Variants in CNTNAP2 observed in about 807,000 individuals in gnomAD.
CNTNAP2 encodes the protein contactin associated protein 2.
Under a neutral mutation model 155.2 loss-of-function variants are expected in CNTNAP2, and 98 were observed. That is an observed-to-expected ratio of 0.63 (90% CI 0.54 to 0.75). The LOEUF is 0.75. Among genes scored for constraint, CNTNAP2 ranks in the 30% least tolerant of loss-of-function variants. The pLI, the probability that CNTNAP2 is intolerant of heterozygous loss-of-function variation, is 0.00. For synonymous variants in CNTNAP2, 651 were observed against 631.2 expected (o/e 1.03, Z -0.47); for missense variants, 1,727 against 1,688.1 (o/e 1.02, Z -0.40).
chr7:146,207,028 AAC>A (rs1284055023), intron 1 of CNTNAP2, among the ~76,000 whole-genome samples: 1 of 151,952 alleles, frequency 6.6e-6, no homozygotes, highest in Non-Finnish European at 1.5e-5. Context: ...GCTCTCAAAA[AAC>A]AACATTGGCC....
chr7:146,965,834 C>A (rs962230896), intron 3 of CNTNAP2, among the ~76,000 whole-genome samples: 28 of 152,136 alleles, frequency 1.8e-4, no homozygotes, highest in African/African-American at 6.8e-4. Flanking sequence ...CTTTTGAGTA[C>A]AACAGGTGTC....
intron 1 of CNTNAP2, among the ~76,000 whole-genome samples, chr7:146,273,562 G>A (rs1436584487): frequency 6.6e-6 from 1 of 152,112 alleles, no homozygotes; most frequent in Non-Finnish European, 1.5e-5. Context: ...TAGATGACGG[G>A]CCAGATGTGC....
chr7:147,445,259 G>A (rs892118626), intron 10 of CNTNAP2, among the ~76,000 whole-genome samples: 4 of 152,164 alleles, frequency 2.6e-5, no homozygotes, highest in African/African-American at 4.8e-5. Flanking sequence ...ACAGATGGTG[G>A]TGCTTCCTTT....
intron 10 of CNTNAP2, among the ~76,000 whole-genome samples, chr7:147,473,424 C>T (rs912979133): frequency 6.6e-6 from 1 of 152,118 alleles, no homozygotes; most frequent in African/African-American, 2.4e-5. Context: ...CACAGAGACG[C>T]TCCTTTCAAA....
intron 13 of CNTNAP2, 85 bp from the exon 14 acceptor site, chr7:147,903,480 A>C: frequency 7.1e-7 from 1 of 1,408,618 alleles, no homozygotes; most frequent in South Asian, 1.2e-5. Context: ...CTATCAGAGT[A>C]TTCCTGGGGA....
chr7:148,371,122 G>C (rs560184890), intron 21 of CNTNAP2, among the ~76,000 whole-genome samples: 2 of 152,242 alleles, frequency 1.3e-5, no homozygotes, highest in Non-Finnish European at 2.9e-5. Context: ...TCATGACTCA[G>C]TCAGGTCTCA....
intron 20 of CNTNAP2, among the ~76,000 whole-genome samples, chr7:148,237,127 A>G (rs1796055181): frequency 6.6e-6 from 1 of 152,174 alleles, no homozygotes; most frequent in Non-Finnish European, 1.5e-5. Flanking sequence ...CCAATGCTAC[A>G]TGTGTTAGGT....
intron 10 of CNTNAP2, among the ~76,000 whole-genome samples, chr7:147,427,905 T>A (rs1797405916): frequency 6.6e-6 from 1 of 151,998 alleles, no homozygotes; most frequent in African/African-American, 2.4e-5. Flanking sequence ...CAAACCTAAA[T>A]ATGTAAATCT....
At chr7:146,255,998 C>G (rs1192453927) in intron 1 of CNTNAP2, among the ~76,000 whole-genome samples, 4 of 152,184 alleles carry the variant, frequency 2.6e-5, no homozygotes, top group Admixed American at 6.5e-5. Flanking sequence ...TTATTAATAG[C>G]ATCAGTCATG....
intron 15 of CNTNAP2, among the ~76,000 whole-genome samples, chr7:147,997,791 T>G (rs920431210): frequency 9.2e-5 from 14 of 152,036 alleles, no homozygotes; most frequent in African/African-American, 3.4e-4. Flanking sequence ...AAAGAGGTGT[T>G]ACCAGTAAGC....
At position 147,853,480 on chromosome 7, in the gene CNTNAP2, A is replaced by AAATG. The variant is rs1798985504; in HGVS notation, c.2099-50085_2099-50084insAATG. On this transcript the variant is annotated intron_variant, in intron 13 of 23. Coordinates refer to ENST00000361727, the MANE Select transcript of CNTNAP2 (RefSeq NM_014141.6). ...AAAATCCTATTTATTTATCTCCTAC[A>AAATG]CTAAGTAAATTTCAACACAACCCTT... is the stretch of plus-strand genomic sequence containing the variant. Among the ~76,000 whole-genome samples, 9 of 139,358 alleles carry AAATG rather than the reference A, an allele frequency of 6.5e-5. No individual in the cohort carries two copies. The Admixed American group carries it at 7.5e-4, about 12-fold the overall frequency. The allele number at this position is 139,358 out of a possible 152,430, so 91.4% of individuals were successfully genotyped here.
chr7:146,423,008 A>G (rs1259804947), intron 1 of CNTNAP2, among the ~76,000 whole-genome samples: 2 of 152,184 alleles, frequency 1.3e-5, no homozygotes, highest in Non-Finnish European at 2.9e-5. Context: ...CAGCACTACT[A>G]AAATTATTTT....
At position 147,486,048 on chromosome 7, in the gene CNTNAP2, G is replaced by A. The variant is rs770951811; in HGVS notation, c.1777+7G>A. 134 of 1,609,400 alleles carry A rather than the reference G, an allele frequency of 8.3e-5. No individual in the cohort carries two copies. The Middle Eastern group carries it at 4.0e-3, about 47-fold the overall frequency. ...GGGGCCACCTGCCACAACTGTGAGT[G>A]CCAATTTATCTCACTTTAATCTTGT... On this transcript the variant is annotated splice_region_variant and intron_variant, in intron 11 of 23. Transcript: ENST00000361727.
chr7:146,464,220 T>A (rs1389669743), intron 1 of CNTNAP2, among the ~76,000 whole-genome samples: 2 of 149,042 alleles, frequency 1.3e-5, no homozygotes, highest in Admixed American at 6.7e-5. Flanking sequence ...TCTCTTTCTT[T>A]TCTCTCCAAA....
chr7:146,270,467 C>T (rs1169207257), intron 1 of CNTNAP2, among the ~76,000 whole-genome samples: 4 of 152,020 alleles, frequency 2.6e-5, no homozygotes, highest in Non-Finnish European at 5.9e-5. Flanking sequence ...CCAGAAACTT[C>T]AATTTCATAA....
At chr7:147,318,926 A>G (rs148101127) in intron 9 of CNTNAP2, among the ~76,000 whole-genome samples, 223 of 152,300 alleles carry the variant, frequency 1.5e-3, no homozygotes, top group African/African-American at 4.7e-3. Context: ...TTTTACATAG[A>G]CAAGAGTTTC....
chr7:146,213,747 T>C (rs185727682), intron 1 of CNTNAP2, among the ~76,000 whole-genome samples: 11 of 152,288 alleles, frequency 7.2e-5, no homozygotes, highest in Admixed American at 7.2e-4. Context: ...GAGTACCTCA[T>C]AATCTTTGTG....
chr7:148,189,629 C>T (rs924132750), intron 18 of CNTNAP2, among the ~76,000 whole-genome samples: 5 of 152,140 alleles, frequency 3.3e-5, no homozygotes, highest in African/African-American at 9.7e-5. Flanking sequence ...GACATCCCCT[C>T]GATCTTGAAC....
chr7:148,065,189 G>A (rs376273791), intron 15 of CNTNAP2, among the ~76,000 whole-genome samples: 3 of 152,108 alleles, frequency 2.0e-5, no homozygotes, highest in African/African-American at 4.8e-5. Flanking sequence ...TAAACTTACT[G>A]AGACTTGTTT....
Sources: allele counts gnomAD v4.1 joint callset (sites outside exome capture counted in the v4.1 genomes callset), GRCh38; gene constraint gnomAD v4.1.1; transcripts MANE v1.5; gene names NCBI Gene and HGNC (gene_info 2026-07-23, HGNC 2026-07-21).